HNRNPR: variants seen among roughly 807,000 people sequenced by gnomAD.
The protein encoded by HNRNPR is heterogeneous nuclear ribonucleoprotein R.
HNRNPR carries 4 observed loss-of-function variants against 70.3 expected under a neutral mutation model. The observed-to-expected ratio is 0.06, with a 90% CI of 0.03 to 0.13. HNRNPR has a LOEUF of 0.13. Ranked by LOEUF, HNRNPR falls within the 10% of genes least tolerant of loss-of-function variation. HNRNPR has a pLI of 1.00. For synonymous variants in HNRNPR, 241 were observed against 267.6 expected (o/e 0.90, Z 0.97); for missense variants, 423 against 788.5 (o/e 0.54, Z 5.55).
intron 5 of HNRNPR, among the ~76,000 whole-genome samples, chr1:23,330,371 C>G (rs536339453): frequency 2.0e-5 from 3 of 152,180 alleles, no homozygotes; most frequent in African/African-American, 7.2e-5. Context: ...CCCGTCTCTC[C>G]TAAAAATACA....
chr1:23,331,368 T>C (rs954454394), intron 5 of HNRNPR, among the ~76,000 whole-genome samples: 1 of 138,870 alleles, frequency 7.2e-6, no homozygotes, highest in Non-Finnish European at 1.5e-5. Context: ...TGGAGACCAG[T>C]TGGGCAACAC....
chr1:23,322,239 T>C (rs888883803), intron 6 of HNRNPR, among the ~76,000 whole-genome samples: 1 of 143,710 alleles, frequency 7.0e-6, no homozygotes, highest in Non-Finnish European at 1.5e-5. Flanking sequence ...ATTGTAGCCC[T>C]TTTTTTTTTT....
chr1:23,341,080 T>C (rs939055258), intron 1 of HNRNPR, 63 bp from the exon 2 acceptor site: 5 of 1,243,530 alleles, frequency 4.0e-6, no homozygotes, highest in Admixed American at 4.5e-5. Flanking sequence ...TGTAGGACAA[T>C]GCATGATTTA....
intron 4 of HNRNPR, among the ~76,000 whole-genome samples, chr1:23,335,933 T>C (rs34405278): frequency 0.32 from 45,816 of 144,420 alleles, 9,188 homozygotes; most frequent in African/African-American, 0.57. Flanking sequence ...CCGGCTAAAA[T>C]GGTGAAACCC....
At chr1:23,319,149 T>C (rs149743027) in intron 7 of HNRNPR, among the ~76,000 whole-genome samples, 77 of 152,346 alleles carry the variant, frequency 5.1e-4, no homozygotes, top group Admixed American at 7.2e-4. Context: ...CCTCTGGTCT[T>C]AGTCCTTTGC....
At chr1:23,311,387 T>C in intron 9 of HNRNPR, 65 bp from the exon 10 acceptor site, 1 of 1,039,938 alleles carries the variant, frequency 9.6e-7, no homozygotes. Flanking sequence ...ATATAGTATG[T>C]AAGCTATTAT....
chr1:23,332,271 C>CT (rs962485739), intron 5 of HNRNPR, among the ~76,000 whole-genome samples: 2 of 152,144 alleles, frequency 1.3e-5, no homozygotes, highest in East Asian at 3.8e-4. Flanking sequence ...CATACTCAAT[C>CT]TTTTATCTGA....
chr1:23,341,709 G>C (rs1646709474), intron 1 of HNRNPR, among the ~76,000 whole-genome samples: 1 of 151,974 alleles, frequency 6.6e-6, no homozygotes, highest in Non-Finnish European at 1.5e-5. Context: ...CTATAGTTTA[G>C]GTTGCTTCTT....
intron 1 of HNRNPR, among the ~76,000 whole-genome samples, chr1:23,343,640 C>T (rs1646788149): frequency 6.6e-6 from 1 of 152,210 alleles, no homozygotes; most frequent in South Asian, 2.1e-4. Flanking sequence ...AAATCTCAGC[C>T]CGCGGCATGC....
At chr1:23,320,634 CAG>C (rs1645718508) in intron 7 of HNRNPR, among the ~76,000 whole-genome samples, 1 of 152,108 alleles carries the variant, frequency 6.6e-6, no homozygotes, top group South Asian at 2.1e-4. Flanking sequence ...TGTAAAGAAA[CAG>C]TGGTTTTTAC....
chr1:23,339,515 T>C (rs1570127821), intron 2 of HNRNPR, among the ~76,000 whole-genome samples: 2 of 152,362 alleles, frequency 1.3e-5, no homozygotes, highest in Middle Eastern at 3.4e-3. Flanking sequence ...TATTTACATA[T>C]GGAATATATT....
At position 23,329,415 on chromosome 1, in the gene HNRNPR, G is replaced by A. The variant is rs550241741; in HGVS notation, c.498+4103C>T. On this transcript the variant is annotated intron_variant, in intron 5 of 10. Transcript: ENST00000302271. ...TCCTTTTATTAACTTTTTAGTCTCT[G>A]AGTCATTCTGGATCCATGTGAGCCC... Among the ~76,000 whole-genome samples, 6 of 152,236 alleles carry A rather than the reference G, an allele frequency of 3.9e-5. No homozygotes were observed. The East Asian group carries it at 1.2e-3, about 29-fold the overall frequency.
intron 3 of HNRNPR, 42 bp downstream of exon 3, chr1:23,338,448 G>T (rs1324105753): frequency 2.7e-6 from 2 of 743,308 alleles, no homozygotes; most frequent in Non-Finnish European, 4.2e-6. Flanking sequence ...AATAATTTCA[G>T]ATTACTAATT....
At chr1:23,336,435 G>C (rs1026473689) in intron 4 of HNRNPR, among the ~76,000 whole-genome samples, 12 of 151,620 alleles carry the variant, frequency 7.9e-5, no homozygotes, top group African/African-American at 2.9e-4. Context: ...AGCCGGGCAT[G>C]GTAGCAGGCA....
In HNRNPR at chr1:23,310,246, G is replaced by T; in HGVS notation, c.*208C>A. The T allele has an allele frequency of 2.2e-6, 1 of 460,174 alleles. No homozygotes were observed. The highest frequency in any genetic ancestry group is 3.8e-6 in the Non-Finnish European group (1 of 264,142). The allele number at this position is 460,174 out of a possible 1,614,324, so 28.5% of individuals were successfully genotyped here. A position where few individuals can be genotyped will look rare whatever the true frequency, so the allele number is the denominator to read the frequency against. ...GTAATCCCCAGAATAAGGGAACTCT[G>T]CAAGCCCAATAATGTCCAAGAGCAT... On this transcript the variant is annotated 3_prime_UTR_variant, in exon 11 of 11. Transcript: ENST00000302271. The surrounding 1 kb of genome is among the most constrained non-coding windows in gnomAD (Gnocchi z 6.0).
At chr1:23,343,167 G>A (rs1010285185) in intron 1 of HNRNPR, among the ~76,000 whole-genome samples, 5 of 152,028 alleles carry the variant, frequency 3.3e-5, no homozygotes, top group African/African-American at 1.2e-4. Flanking sequence ...TAACGTGACT[G>A]GAGTCATTTG....
At chr1:23,321,733 A>T in intron 6 of HNRNPR, 70 bp from the exon 7 acceptor site, 1 of 1,494,364 alleles carries the variant, frequency 6.7e-7, no homozygotes, top group Non-Finnish European at 9.0e-7. Context: ...TAATCTAAAA[A>T]ATTCAACAAT....
chr1:23,314,305 A>G (rs1361525614), intron 8 of HNRNPR, among the ~76,000 whole-genome samples: 3 of 152,172 alleles, frequency 2.0e-5, no homozygotes, highest in Admixed American at 6.5e-5. Flanking sequence ...ATTCCTTTAT[A>G]TAACACTGGA....
chr1:23,307,983 A>G lies in HNRNPR; in HGVS notation c.*2471T>C, dbSNP rs921893611. 2.0e-5 allele frequency: 3 copies of G among 151,948 alleles called. No homozygotes were observed. Among genetic ancestry groups the G allele is most frequent in the African/African-American group, 7.2e-5 (3 of 41,412 alleles). The allele number at this position is 151,948 out of a possible 1,614,324, so 9.4% of individuals were successfully genotyped here. A position where few individuals can be genotyped will look rare whatever the true frequency, so the allele number is the denominator to read the frequency against. On this transcript the variant is annotated 3_prime_UTR_variant, in exon 11 of 11. Transcript: ENST00000302271. ...GACATTTTTCAGGTTTATATATTAC[A>G]CTGTTAGATTTATTTATGTGAAAAG...
Sources: allele counts gnomAD v4.1 joint callset (sites outside exome capture counted in the v4.1 genomes callset), GRCh38; gene constraint gnomAD v4.1.1; non-coding constraint Gnocchi (gnomAD v3.1); transcripts MANE v1.5; gene names NCBI Gene and HGNC (gene_info 2026-07-23, HGNC 2026-07-21).